The following SGCD variants were observed in gnomAD, a reference collection of about 807,000 sequenced individuals.
SGCD encodes the protein sarcoglycan delta.
In SGCD, 18 loss-of-function variants were observed where a neutral mutation model predicts 36.6. The ratio of observed to expected loss-of-function variants is 0.49; its 90% CI spans 0.34 to 0.73. SGCD has a LOEUF of 0.73. Among genes scored for constraint, SGCD ranks in the 30% least tolerant of loss-of-function variants. SGCD has a pLI of 0.01. For synonymous variants in SGCD, 133 were observed against 130.6 expected (o/e 1.02, Z -0.12); for missense variants, 387 against 346.7 (o/e 1.12, Z -0.92).
the SGCD span, among the ~76,000 whole-genome samples, chr5:155,798,706 A>T: frequency 6.6e-6 from 1 of 152,218 alleles, no homozygotes; most frequent in African/African-American, 2.4e-5. Context: ...TGCCAAAAAC[A>T]GCAGTGTCAA....
At chr5:156,322,529 T>C (rs961554097), upstream of SGCD, among the ~76,000 whole-genome samples, 2 of 152,132 alleles carry the variant, frequency 1.3e-5, no homozygotes, top group Non-Finnish European at 2.9e-5. Flanking sequence ...ACAACTAAAA[T>C]AAGTGCTAGT....
intron 3 of SGCD, among the ~76,000 whole-genome samples, chr5:156,497,373 A>G (rs909014596): frequency 2.4e-4 from 37 of 152,142 alleles, no homozygotes; most frequent in African/African-American, 8.4e-4. Flanking sequence ...GGTAATCCCC[A>G]TTGTTTGATT....
chr5:156,703,044 G>T (rs900062280), intron 7 of SGCD, among the ~76,000 whole-genome samples: 2 of 152,188 alleles, frequency 1.3e-5, no homozygotes, highest in Non-Finnish European at 2.9e-5. Context: ...GGGCACATTT[G>T]TGTTTACCCC....
chr5:155,780,726 C>G, the SGCD span, among the ~76,000 whole-genome samples: 4 of 152,092 alleles, frequency 2.6e-5, no homozygotes, highest in Non-Finnish European at 4.4e-5. Context: ...ATGATTTAGT[C>G]AATTAAAATT....
At chr5:156,332,876 C>T (rs542995217) in intron 2 of SGCD, among the ~76,000 whole-genome samples, 2 of 152,132 alleles carry the variant, frequency 1.3e-5, no homozygotes, top group Middle Eastern at 3.2e-3. Context: ...GAATATTGTT[C>T]CCAAAGATGT....
intron 1 of SGCD, among the ~76,000 whole-genome samples, chr5:156,068,326 T>C (rs1019861339): frequency 2.0e-5 from 3 of 150,918 alleles, no homozygotes; most frequent in South Asian, 4.2e-4. Flanking sequence ...CCTGTGTCCA[T>C]GTGTTCTCAT....
the SGCD span, among the ~76,000 whole-genome samples, chr5:155,749,069 A>C: frequency 9.3e-3 from 1,416 of 152,370 alleles, 21 homozygotes; most frequent in African/African-American, 0.032. Flanking sequence ...ATCATAATGC[A>C]TGCAGAATAC....
At chr5:155,861,154 A>T in the SGCD span, among the ~76,000 whole-genome samples, 3 of 152,114 alleles carry the variant, frequency 2.0e-5, no homozygotes, top group African/African-American at 7.2e-5. Context: ...TCTGCCCTTT[A>T]TTGCCTGCCC....
At chr5:156,290,661 T>G (rs907084667) in intron 3 of SGCD, among the ~76,000 whole-genome samples, 6 of 152,160 alleles carry the variant, frequency 3.9e-5, no homozygotes, top group Non-Finnish European at 8.8e-5. Flanking sequence ...ATGTTAGATT[T>G]TACATAAAGC....
At chr5:156,384,356 A>T (rs545246459) in intron 3 of SGCD, among the ~76,000 whole-genome samples, 7 of 152,204 alleles carry the variant, frequency 4.6e-5, no homozygotes, top group Admixed American at 4.6e-4. Flanking sequence ...TCTATGTGAG[A>T]TGTCCCTCCT....
chr5:156,704,079 G>C (rs1002962767), intron 7 of SGCD: 4 of 152,258 alleles, frequency 2.6e-5, no homozygotes, highest in Non-Finnish European at 5.9e-5. Context: ...GAAATATGAT[G>C]TGAGAAGCAA....
At chr5:156,022,341 A>G (rs1759124186) in intron 1 of SGCD, among the ~76,000 whole-genome samples, 2 of 152,226 alleles carry the variant, frequency 1.3e-5, no homozygotes, top group Admixed American at 1.3e-4. Flanking sequence ...CTCACCTTTA[A>G]AACAGTAGAA....
At chr5:156,103,936 G>A (rs557864655) in intron 1 of SGCD, among the ~76,000 whole-genome samples, 7 of 151,994 alleles carry the variant, frequency 4.6e-5, no homozygotes, top group East Asian at 1.9e-4. Context: ...TGGCAATTTA[G>A]CTGTATTATT....
intron 4 of SGCD, among the ~76,000 whole-genome samples, chr5:156,557,551 C>A (rs77074720): frequency 0.04 from 6,157 of 152,180 alleles, 278 homozygotes; most frequent in African/African-American, 0.11. Context: ...CATACCCATT[C>A]ATTTATGTAT....
chr5:156,269,254 G>A (rs1213329334), intron 3 of SGCD, among the ~76,000 whole-genome samples: 2 of 151,812 alleles, frequency 1.3e-5, no homozygotes, highest in Non-Finnish European at 2.9e-5. Context: ...CAGATCACGA[G>A]GTCAGGAGAT....
intron 4 of SGCD, among the ~76,000 whole-genome samples, chr5:156,581,629 T>C (rs929671965): frequency 6.6e-6 from 1 of 152,140 alleles, no homozygotes; most frequent in Non-Finnish European, 1.5e-5. Context: ...TCAGCAATGG[T>C]GGATGCCCCA....
At chr5:155,833,213 CAGAG>C in the SGCD span, among the ~76,000 whole-genome samples, 42 of 150,792 alleles carry the variant, frequency 2.8e-4, 1 homozygote, top group African/African-American at 9.0e-4. Flanking sequence ...CTGGGTGACA[CAGAG>C]AGAATCTCAA....
intron 1 of SGCD, among the ~76,000 whole-genome samples, chr5:156,028,598 G>C (rs1398442103): frequency 6.6e-6 from 1 of 152,082 alleles, no homozygotes; most frequent in Non-Finnish European, 1.5e-5. Flanking sequence ...ATAATTGCTT[G>C]CTATGATGAT....
intron 1 of SGCD, among the ~76,000 whole-genome samples, chr5:155,965,342 A>G (rs1424947527): frequency 6.6e-6 from 1 of 152,092 alleles, no homozygotes; most frequent in Non-Finnish European, 1.5e-5. Flanking sequence ...GAGGCACTTG[A>G]TCTGTTATCC....
Sources: gnomAD v4.1 joint callset for allele counts (sites outside exome capture counted in the v4.1 genomes callset) on GRCh38, gnomAD v4.1.1 for gene constraint, MANE v1.5 for transcripts, NCBI Gene and HGNC (gene_info 2026-07-23, HGNC 2026-07-21) for gene names.